The following WWOX variants were observed in gnomAD, a reference collection of about 807,000 sequenced individuals.
WWOX encodes the protein WW domain-containing oxidoreductase.
A neutral mutation model predicts 46.2 loss-of-function variants in WWOX; 69 were observed. The observed-to-expected ratio is 1.49, with a 90% CI of 1.23 to 1.82. The LOEUF is 1.82. Ranked by LOEUF, WWOX falls within the 40% of genes most tolerant of loss-of-function variation. The pLI, the probability that WWOX is intolerant of heterozygous loss-of-function variation, is 0.00. For synonymous variants in WWOX, 359 were observed against 202.6 expected (o/e 1.77, Z -6.56); for missense variants, 919 against 542.6 (o/e 1.69, Z -6.89).
intron 8 of WWOX, among the ~76,000 whole-genome samples, chr16:78,831,432 G>A (rs1222652038): frequency 6.6e-6 from 1 of 152,222 alleles, no homozygotes; most frequent in Admixed American, 6.5e-5. Flanking sequence ...AAGATGCTTA[G>A]CAGTGAATAA....
intron 8 of WWOX, among the ~76,000 whole-genome samples, chr16:78,500,439 C>G (rs891450733): frequency 1.6e-4 from 25 of 151,850 alleles, no homozygotes; most frequent in African/African-American, 5.8e-4. Flanking sequence ...CTTCATCTAT[C>G]TTTGTTCCGC....
At chr16:78,379,256 G>T (rs1272944276) in intron 5 of WWOX, among the ~76,000 whole-genome samples, 2 of 152,184 alleles carry the variant, frequency 1.3e-5, no homozygotes, top group African/African-American at 4.8e-5. Flanking sequence ...GTGTAAGGGA[G>T]GGGTAGATAC....
At chr16:79,049,577 C>T (rs2048128025) in intron 8 of WWOX, among the ~76,000 whole-genome samples, 1 of 152,284 alleles carries the variant, frequency 6.6e-6, no homozygotes, top group East Asian at 1.9e-4. Context: ...GTAGCTGACC[C>T]TTGTAATCCC....
At chr16:78,708,421 C>T (rs2048371221) in intron 8 of WWOX, among the ~76,000 whole-genome samples, 1 of 152,134 alleles carries the variant, frequency 6.6e-6, no homozygotes, top group African/African-American at 2.4e-5. Context: ...CTTTTTGTTT[C>T]TGCCCTGCTG....
At chr16:79,011,798 T>G (rs2047316072) in intron 8 of WWOX, among the ~76,000 whole-genome samples, 1 of 151,920 alleles carries the variant, frequency 6.6e-6, no homozygotes, top group Non-Finnish European at 1.5e-5. Flanking sequence ...CGGCCCCCTT[T>G]TTTAAAAAAC....
intron 8 of WWOX, among the ~76,000 whole-genome samples, chr16:78,887,077 GGTGTGTGTGTGTGTGTGTGTGT>G (rs749992495): frequency 1.6e-3 from 99 of 61,374 alleles, no homozygotes; most frequent in African/African-American, 3.5e-3. Context: ...GTGTGTGTGT[GGTGTGTGTGTGTGTGTGTGTGT>G]GTGTGTGTGT....
chr16:78,440,769 C>A (rs4335784), intron 8 of WWOX, among the ~76,000 whole-genome samples: 12,809 of 151,928 alleles, frequency 0.084, 676 homozygotes, highest in East Asian at 0.2. Flanking sequence ...CAAGCACTGG[C>A]CACCAAACCC....
At chr16:78,998,230 T>C (rs954974806) in intron 8 of WWOX, among the ~76,000 whole-genome samples, 4 of 152,162 alleles carry the variant, frequency 2.6e-5, no homozygotes, top group African/African-American at 9.7e-5. Context: ...GGGGACGTTT[T>C]TCTCTTCTGC....
intron 8 of WWOX, among the ~76,000 whole-genome samples, chr16:78,549,305 C>G (rs2044121340): frequency 6.6e-6 from 1 of 152,192 alleles, no homozygotes; most frequent in Admixed American, 6.5e-5. Flanking sequence ...AAAATAAATT[C>G]TGGGGAGCGT....
At chr16:78,434,584 G>C (rs28405739) in intron 8 of WWOX, among the ~76,000 whole-genome samples, 38,008 of 152,052 alleles carry the variant, frequency 0.25, 5,293 homozygotes, top group East Asian at 0.43. Flanking sequence ...AACAAGCCCA[G>C]TCAACCATCA....
intron 8 of WWOX, among the ~76,000 whole-genome samples, chr16:78,894,615 G>A (rs951489127): frequency 1.3e-5 from 2 of 152,142 alleles, no homozygotes; most frequent in Non-Finnish European, 2.9e-5. Flanking sequence ...ATTGATTAAT[G>A]TGTCGAGGGA....
At chr16:78,378,530 C>T (rs2081881764) in intron 5 of WWOX, among the ~76,000 whole-genome samples, 2 of 152,214 alleles carry the variant, frequency 1.3e-5, no homozygotes. Flanking sequence ...TGAAGTCCCA[C>T]ATATGATATT....
chr16:79,082,158 G>T (rs2048772319), intron 8 of WWOX, among the ~76,000 whole-genome samples: 1 of 152,170 alleles, frequency 6.6e-6, no homozygotes, highest in African/African-American at 2.4e-5. Context: ...GCCCGGGAGA[G>T]GTTGTAACAA....
intron 6 of WWOX, among the ~76,000 whole-genome samples, chr16:78,399,904 T>C (rs2082372295): frequency 6.6e-6 from 1 of 152,190 alleles, no homozygotes; most frequent in South Asian, 2.1e-4. Flanking sequence ...CTTGTCAGCC[T>C]AAAAACTTGA....
intron 8 of WWOX, among the ~76,000 whole-genome samples, chr16:79,029,132 C>A (rs866141165): frequency 6.6e-6 from 1 of 152,140 alleles, no homozygotes; most frequent in African/African-American, 2.4e-5. Flanking sequence ...ACAGGATAAG[C>A]AGAATCGATT....
intron 8 of WWOX, among the ~76,000 whole-genome samples, chr16:79,074,350 C>T (rs78996966): frequency 6.8e-6 from 1 of 146,686 alleles, no homozygotes; most frequent in Non-Finnish European, 1.5e-5. Flanking sequence ...CATCTGACTT[C>T]CTAAAACCAC....
intron 8 of WWOX, among the ~76,000 whole-genome samples, chr16:78,757,360 GACCA>G (rs1318043009): frequency 6.6e-6 from 1 of 151,734 alleles, no homozygotes; most frequent in African/African-American, 2.4e-5. Flanking sequence ...ACCCCAGCAT[GACCA>G]CCATTTAGAG....
chr16:78,431,194 C>A (rs1342523277), intron 7 of WWOX, among the ~76,000 whole-genome samples: 1 of 152,192 alleles, frequency 6.6e-6, no homozygotes, highest in Non-Finnish European at 1.5e-5. Flanking sequence ...CTCCGTCAGA[C>A]CCAATTATAA....
chr16:78,968,224 C>T (rs1006909049), intron 8 of WWOX, among the ~76,000 whole-genome samples: 1 of 152,026 alleles, frequency 6.6e-6, no homozygotes, highest in African/African-American at 2.4e-5. Flanking sequence ...GGACATGATT[C>T]ATACATGCAA....
Sources: gnomAD v4.1 joint callset for allele counts (sites outside exome capture counted in the v4.1 genomes callset) on GRCh38, gnomAD v4.1.1 for gene constraint, MANE v1.5 for transcripts, NCBI Gene and HGNC (gene_info 2026-07-23, HGNC 2026-07-21) for gene names.